Variants in WDR27 observed in about 807,000 individuals in gnomAD.
WDR27 encodes the protein WD repeat domain 27.
In WDR27, 100 loss-of-function variants were observed where a neutral mutation model predicts 114.4. That is an observed-to-expected ratio of 0.87 (90% CI 0.74 to 1.03). WDR27 has a LOEUF of 1.03. Among genes scored for constraint, WDR27 ranks in the 50% least tolerant of loss-of-function variants. The probability of loss-of-function intolerance (pLI) is 0.00; values close to 1 mark genes in which losing one functional copy is unlikely to be tolerated. For missense variants in WDR27, 1,129 were observed against 1,092.9 expected (o/e 1.03, Z -0.47); for synonymous variants, 449 against 423.1 (o/e 1.06, Z -0.75).
chr6:169,488,968 T>C (rs1415499801), intron 25 of WDR27, among the ~76,000 whole-genome samples: 1 of 151,614 alleles, frequency 6.6e-6, no homozygotes, highest in Non-Finnish European at 1.5e-5. Context: ...TTTTTGCATT[T>C]CTCTTAATCA....
chr6:169,461,102 T>TA (rs1784858815), intron 25 of WDR27, among the ~76,000 whole-genome samples: 1 of 152,086 alleles, frequency 6.6e-6, no homozygotes, highest in African/African-American at 2.4e-5. Flanking sequence ...ACATACCTAA[T>TA]AACAGACCAT....
chr6:169,587,012 G>A (rs1310631761), intron 23 of WDR27, among the ~76,000 whole-genome samples: 2 of 151,720 alleles, frequency 1.3e-5, no homozygotes, highest in Non-Finnish European at 2.9e-5. Context: ...CAGTTTTATG[G>A]ATAAGGACAG....
chr6:169,516,756 A>G (rs1285901513), intron 25 of WDR27, among the ~76,000 whole-genome samples: 3 of 145,136 alleles, frequency 2.1e-5, no homozygotes. Context: ...CAGAACTGCA[A>G]ACTGCCTGGC....
At chr6:169,623,249 G>A (rs536452723) in intron 21 of WDR27, among the ~76,000 whole-genome samples, 91 of 152,238 alleles carry the variant, frequency 6.0e-4, no homozygotes, top group African/African-American at 1.8e-3. Flanking sequence ...GACTCCTGAT[G>A]ATTTCACCTC....
Position 169,582,941 on chromosome 6 carries a change from G to A in WDR27, c.2425-7C>T, listed in dbSNP as rs1238167450. On this transcript the variant is annotated splice_region_variant and splice_polypyrimidine_tract_variant and intron_variant, in intron 23 of 25. Transcript: ENST00000448612. ...CCATTTCATACACGTAAGCCTACAAGACAAGATGAGCAGGTGTGCCATGTT... is the reference window on the plus strand; with the variant it reads ...CCATTTCATACACGTAAGCCTACAAAACAAGATGAGCAGGTGTGCCATGTT... 1.2e-6 allele frequency: 2 copies of A among 1,613,304 alleles called. No individual in the cohort carries two copies. Among genetic ancestry groups the A allele is most frequent in the Non-Finnish European group, 8.5e-7 (1 of 1,179,532 alleles).
chr6:169,503,715 C>A (rs555037112), intron 25 of WDR27, among the ~76,000 whole-genome samples: 39 of 152,136 alleles, frequency 2.6e-4, no homozygotes, highest in African/African-American at 9.2e-4. Flanking sequence ...TGGGCCTGCC[C>A]GGTATTCCCA....
At chr6:169,663,354 T>C (rs1363257036) in intron 8 of WDR27, among the ~76,000 whole-genome samples, 2 of 150,964 alleles carry the variant, frequency 1.3e-5, no homozygotes, top group Non-Finnish European at 2.9e-5. Flanking sequence ...TAAAGTCATC[T>C]ACAAAAAAAC....
chr6:169,437,903 A>G, the WDR27 span, among the ~76,000 whole-genome samples: 90 of 151,268 alleles, frequency 5.9e-4, no homozygotes, highest in Middle Eastern at 3.4e-3. Flanking sequence ...TCTTTTTTTT[A>G]TAATTTAAAC....
downstream of WDR27, among the ~76,000 whole-genome samples, chr6:169,452,638 G>A (rs564057961): frequency 2.6e-5 from 4 of 152,278 alleles, no homozygotes; most frequent in South Asian, 6.2e-4. Flanking sequence ...GCAGGAGGAG[G>A]GCAAGGCGGA....
intron 2 of WDR27, among the ~76,000 whole-genome samples, chr6:169,677,405 A>G (rs1467655350): frequency 6.6e-6 from 1 of 152,264 alleles, no homozygotes; most frequent in Admixed American, 6.5e-5. Context: ...ATTTCTAATC[A>G]GCAAAGCATG....
intron 25 of WDR27, among the ~76,000 whole-genome samples, chr6:169,542,716 A>C (rs1412287712): frequency 3.9e-5 from 6 of 152,082 alleles, no homozygotes; most frequent in African/African-American, 1.2e-4. Context: ...ATGCATACTA[A>C]AGTGTTTAGG....
chr6:169,566,765 T>C (rs1584264508), intron 25 of WDR27, among the ~76,000 whole-genome samples: 1 of 152,062 alleles, frequency 6.6e-6, no homozygotes, highest in African/African-American at 2.4e-5. Context: ...CAGATTCCAG[T>C]GTGGGGGATT....
chr6:169,565,992 T>G (rs891359088), intron 25 of WDR27, among the ~76,000 whole-genome samples: 1 of 152,284 alleles, frequency 6.6e-6, no homozygotes, highest in Non-Finnish European at 1.5e-5. Context: ...TTGACTTTTA[T>G]GATCAATGTG....
intron 15 of WDR27, among the ~76,000 whole-genome samples, chr6:169,648,691 A>G (rs1192303601): frequency 6.6e-6 from 1 of 152,206 alleles, no homozygotes; most frequent in Non-Finnish European, 1.5e-5. Flanking sequence ...TGTAATCTTA[A>G]ATCTAGGACT....
chr6:169,440,787 G>T, the WDR27 span, among the ~76,000 whole-genome samples: 1 of 152,040 alleles, frequency 6.6e-6, no homozygotes, highest in Non-Finnish European at 1.5e-5. Context: ...TGTTCTAATT[G>T]TACTAATGGT....
intron 25 of WDR27, among the ~76,000 whole-genome samples, chr6:169,458,006 A>AGGAGGAGGAGGTGGT (rs869143503): frequency 2.9e-5 from 4 of 139,874 alleles, no homozygotes; most frequent in South Asian, 2.4e-4. Flanking sequence ...GAGGAGGAGG[A>AGGAGGAGGAGGTGGT]GGTGGTGGTG....
intron 22 of WDR27, among the ~76,000 whole-genome samples, chr6:169,604,616 T>C (rs574448029): frequency 1.3e-5 from 2 of 152,282 alleles, no homozygotes; most frequent in South Asian, 4.1e-4. Context: ...AGTATCACTC[T>C]GATACCAAAA....
intron 25 of WDR27, among the ~76,000 whole-genome samples, chr6:169,510,395 T>G (rs1266071568): frequency 1.1e-4 from 17 of 151,812 alleles, no homozygotes; most frequent in Non-Finnish European, 2.1e-4. Flanking sequence ...TATCCAACAA[T>G]GATAGACTGG....
At chr6:169,621,536 GCACGCATATACATACACACACGCATT>G (rs1160100727) in intron 21 of WDR27, among the ~76,000 whole-genome samples, 1 of 131,174 alleles carries the variant, frequency 7.6e-6, no homozygotes, top group Non-Finnish European at 1.6e-5. Context: ...ACACACACAC[GCACGCATATACATACACACACGCATT>G]CATGCATATA....
Sources: gnomAD v4.1 joint callset for allele counts (sites outside exome capture counted in the v4.1 genomes callset) on GRCh38, gnomAD v4.1.1 for gene constraint, MANE v1.5 for transcripts, NCBI Gene and HGNC (gene_info 2026-07-23, HGNC 2026-07-21) for gene names.